Variants in IGFL4 observed in about 807,000 individuals in gnomAD.
IGFL4 encodes IGF like family member 4, also known as insulin growth factor-like family member 4.
Under a neutral mutation model 15.4 loss-of-function variants are expected in IGFL4, and 12 were observed. The ratio of observed to expected loss-of-function variants is 0.78; its 90% CI spans 0.50 to 1.26. The LOEUF (loss-of-function observed/expected upper bound fraction) is 1.26, where lower values mean the gene tolerates loss of function less well. Ranked by LOEUF, IGFL4 falls within the 50% of genes most tolerant of loss-of-function variation. IGFL4 has a pLI of 0.00. For missense variants in IGFL4, 126 were observed against 147.8 expected (o/e 0.85, Z 0.76); for synonymous variants, 54 against 55.9 (o/e 0.97, Z 0.16).
At chr19:46,067,267 C>T (rs552913435) in intron 1 of IGFL4, among the ~76,000 whole-genome samples, 15 of 152,266 alleles carry the variant, frequency 9.9e-5, no homozygotes, top group Admixed American at 5.9e-4. Context: ...TCTGGACATC[C>T]GCTTTCAGCC....
At chr19:46,068,129 G>A (rs1600678743) in intron 1 of IGFL4, among the ~76,000 whole-genome samples, 2 of 152,316 alleles carry the variant, frequency 1.3e-5, no homozygotes, top group East Asian at 3.9e-4. Flanking sequence ...AGGGGACCCT[G>A]CTCTGTTCTC....
At chr19:46,064,071 G>GA (rs36026852) in intron 1 of IGFL4, among the ~76,000 whole-genome samples, 68,977 of 139,850 alleles carry the variant, frequency 0.49, 16,893 homozygotes, top group Non-Finnish European at 0.54. Flanking sequence ...GACTCCACCT[G>GA]AAAAAAAAAA....
At chr19:46,068,204 C>T (rs1226940599) in intron 1 of IGFL4, among the ~76,000 whole-genome samples, 2 of 152,218 alleles carry the variant, frequency 1.3e-5, no homozygotes, top group Non-Finnish European at 2.9e-5. Context: ...CACCATGTGT[C>T]TCTGAACACA....
intron 1 of IGFL4, among the ~76,000 whole-genome samples, chr19:46,073,155 A>G (rs1969562581): frequency 6.6e-6 from 1 of 152,216 alleles, no homozygotes; most frequent in African/African-American, 2.4e-5. Context: ...TGTTAACATT[A>G]GACGAAGTTG....
chr19:46,076,426 G>T (rs1226436430), intron 1 of IGFL4, among the ~76,000 whole-genome samples: 2 of 152,032 alleles, frequency 1.3e-5, no homozygotes, highest in East Asian at 3.8e-4. Flanking sequence ...TATTGTAATT[G>T]TTATTTTCAG....
At chr19:46,047,508 AATAG>A (rs1273765628) in intron 2 of IGFL4, among the ~76,000 whole-genome samples, 12 of 152,216 alleles carry the variant, frequency 7.9e-5, no homozygotes, top group African/African-American at 1.2e-4. Flanking sequence ...AAATTTATAA[AATAG>A]ATAGACTGCT....
At chr19:46,051,021 T>G (rs1361231905) in intron 2 of IGFL4, among the ~76,000 whole-genome samples, 2 of 152,188 alleles carry the variant, frequency 1.3e-5, no homozygotes, top group Non-Finnish European at 2.9e-5. Context: ...ATCTTTAGTC[T>G]CCTTAAACAA....
chr19:46,058,814 A>C (rs987060366), intron 2 of IGFL4: 2 of 152,230 alleles, frequency 1.3e-5, no homozygotes, highest in African/African-American at 4.8e-5. Flanking sequence ...CCATGGCTAG[A>C]GCAACTGGGA....
At chr19:46,049,855 C>A (rs1181046534) in intron 2 of IGFL4, among the ~76,000 whole-genome samples, 3 of 152,212 alleles carry the variant, frequency 2.0e-5, no homozygotes, top group Admixed American at 1.3e-4. Context: ...TGGAGGCCAA[C>A]CAACACAAAC....
At chr19:46,062,246 G>C (rs1969452080) in intron 1 of IGFL4, among the ~76,000 whole-genome samples, 1 of 152,154 alleles carries the variant, frequency 6.6e-6, no homozygotes, top group Non-Finnish European at 1.5e-5. Flanking sequence ...CCTTCCAAAT[G>C]CTCCGAGAAA....
chr19:46,067,206 T>C (rs1208245793), intron 1 of IGFL4, among the ~76,000 whole-genome samples: 1 of 152,162 alleles, frequency 6.6e-6, no homozygotes, highest in Non-Finnish European at 1.5e-5. Flanking sequence ...CCAATCTCAA[T>C]TCCAACCCCA....
chr19:46,043,019 G>A (rs982936379), upstream of IGFL4, among the ~76,000 whole-genome samples: 39 of 152,180 alleles, frequency 2.6e-4, no homozygotes, highest in African/African-American at 8.4e-4. Flanking sequence ...GTTTGAGGTC[G>A]CCGGGGCAGT....
rs563261453 is a variant in IGFL4, at chr19:46,075,232, C to T, written c.-432+1788G>A. Among the ~76,000 whole-genome samples the T allele has an allele frequency of 3.6e-4, 54 of 152,094 alleles. 1 individual carries two copies. Among genetic ancestry groups the T allele is most frequent in the Middle Eastern group, 3.2e-3 (1 of 316 alleles). ...AATTAATGAAAGGATATTTATACCCCGTTAGTAACTAAAGTCCATAGTTTA... is the reference window on the plus strand; with the variant it reads ...AATTAATGAAAGGATATTTATACCCTGTTAGTAACTAAAGTCCATAGTTTA... On this transcript the variant is annotated intron_variant, in intron 1 of 5. Transcript: ENST00000601672.
At chr19:46,074,068 G>A (rs990119011) in intron 1 of IGFL4, among the ~76,000 whole-genome samples, 1 of 152,068 alleles carries the variant, frequency 6.6e-6, no homozygotes, top group Admixed American at 6.5e-5. Context: ...ACGATGGCCT[G>A]ACTGAGCCTG....
chr19:46,071,843 T>A (rs1338488188), intron 1 of IGFL4, among the ~76,000 whole-genome samples: 1 of 152,132 alleles, frequency 6.6e-6, no homozygotes, highest in African/African-American at 2.4e-5. Context: ...CTGGGCAACA[T>A]GGTGAAACTC....
intron 1 of IGFL4, among the ~76,000 whole-genome samples, chr19:46,063,481 C>A (rs1226534536): frequency 6.6e-6 from 1 of 152,182 alleles, no homozygotes; most frequent in Non-Finnish European, 1.5e-5. Flanking sequence ...CTTTTATCAA[C>A]TCCCATTTGA....
Position 46,077,032 on chromosome 19 carries a change from C to G in IGFL4, c.-444G>C, listed in dbSNP as rs956249681. ...GAGGATCTCTCACCTGAGCATCCCT[C>G]GATGAGGGCTGTTGCGTCTTGATTT... is the stretch of plus-strand genomic sequence containing the variant. On this transcript the variant is annotated 5_prime_UTR_variant, in exon 1 of 6. Coordinates refer to the IGFL4 transcript ENST00000601672. The surrounding 1 kb of genome is among the most constrained non-coding windows in gnomAD (Gnocchi z 5.4). The G allele has an allele frequency of 7.2e-5, 11 of 152,246 alleles. No individual in the cohort carries two copies. The highest frequency in any genetic ancestry group is 4.4e-5 in the Non-Finnish European group (3 of 68,040). The allele number at this position is 152,246 out of a possible 1,614,324, so 9.4% of individuals were successfully genotyped here. A position where few individuals can be genotyped will look rare whatever the true frequency, so the allele number is the denominator to read the frequency against.
upstream of IGFL4, among the ~76,000 whole-genome samples, chr19:46,044,046 A>G (rs1969273780): frequency 2.0e-5 from 3 of 152,148 alleles, no homozygotes; most frequent in African/African-American, 7.2e-5. Flanking sequence ...GAACGAAGAA[A>G]TGCAGGGTAG....
At chr19:46,065,247 A>G (rs746743958) in intron 1 of IGFL4, among the ~76,000 whole-genome samples, 3 of 151,170 alleles carry the variant, frequency 2.0e-5, no homozygotes, top group Non-Finnish European at 4.4e-5. Flanking sequence ...GTTTGCAAAT[A>G]TTTTTCTTAT....
Sources: allele counts gnomAD v4.1 joint callset (sites outside exome capture counted in the v4.1 genomes callset), GRCh38; gene constraint gnomAD v4.1.1; non-coding constraint Gnocchi (gnomAD v3.1); transcripts MANE v1.5; gene names NCBI Gene and HGNC (gene_info 2026-07-23, HGNC 2026-07-21).